The following NFIC variants were observed in gnomAD, a reference collection of about 807,000 sequenced individuals.
NFIC encodes the protein nuclear factor 1 C-type.
NFIC carries 12 observed loss-of-function variants against 54.4 expected under a neutral mutation model. The observed-to-expected ratio is 0.22, with a 90% CI of 0.14 to 0.36. The LOEUF is 0.36. Ranked by LOEUF, NFIC falls within the 10% of genes least tolerant of loss-of-function variation. The pLI is 1.00. For missense variants in NFIC, 575 were observed against 718.2 expected (o/e 0.80, Z 2.28); for synonymous variants, 322 against 319.2 (o/e 1.01, Z -0.09).
rs557918499 is a variant in NFIC, at chr19:3,440,680, C to G, written c.958+5473C>G. Among the ~76,000 whole-genome samples the G allele has an allele frequency of 3.3e-5, 5 of 152,260 alleles. 1 individual carries two copies. The South Asian group carries it at 1.0e-3, about 32-fold the overall frequency. On this transcript the variant is annotated intron_variant, in intron 6 of 10. Transcript: ENST00000443272. Reference sequence around the variant, plus strand: ...TCCTGACCTCAGGAGTTCCACCACACCCGGCTAATTTTGTGTTTTTAGTAA... The same window carrying G: ...TCCTGACCTCAGGAGTTCCACCACAGCCGGCTAATTTTGTGTTTTTAGTAA...
chr19:3,438,803 G>A (rs867406425), intron 6 of NFIC, among the ~76,000 whole-genome samples: 1 of 152,104 alleles, frequency 6.6e-6, no homozygotes, highest in Non-Finnish European at 1.5e-5. Flanking sequence ...AGGCCCTGGG[G>A]ACACAGAGAT....
intron 3 of NFIC, among the ~76,000 whole-genome samples, chr19:3,430,942 AAAAAG>A (rs766018415): frequency 0.019 from 2,833 of 151,202 alleles, 60 homozygotes; most frequent in Non-Finnish European, 0.026. Context: ...AAAAAAAAAA[AAAAAG>A]AAAAGAAAAA....
chr19:3,425,974 G>A (rs1249428334), intron 3 of NFIC, among the ~76,000 whole-genome samples: 3 of 115,956 alleles, frequency 2.6e-5, no homozygotes, highest in Admixed American at 1.2e-4. Flanking sequence ...TCACTCTGTC[G>A]CCCAGGCTAG....
intron 3 of NFIC, among the ~76,000 whole-genome samples, chr19:3,429,253 T>TACACACACACACAC (rs57948823): frequency 0.019 from 958 of 50,684 alleles, 59 homozygotes; most frequent in Non-Finnish European, 0.024. Context: ...AAAAAATATA[T>TACACACACACACAC]ACACACACAC....
chr19:3,366,761 G>A, intron 1 of NFIC, 95 bp downstream of exon 1: 4 of 896,570 alleles, frequency 4.5e-6, no homozygotes, highest in Non-Finnish European at 6.2e-6. Flanking sequence ...CGAAAAAGGC[G>A]CGCGTCCCTC....
intron 1 of NFIC, among the ~76,000 whole-genome samples, chr19:3,367,569 G>A (rs889440052): frequency 6.6e-6 from 1 of 152,228 alleles, no homozygotes; most frequent in African/African-American, 2.4e-5. Context: ...CCGAGGGGGT[G>A]TGTGGGGAGG....
chr19:3,451,538 G>A (rs566951000), intron 7 of NFIC, among the ~76,000 whole-genome samples: 2 of 151,940 alleles, frequency 1.3e-5, no homozygotes, highest in East Asian at 3.9e-4. Flanking sequence ...GGCCGAGGCA[G>A]GAGGATCACC....
intron 2 of NFIC, among the ~76,000 whole-genome samples, chr19:3,411,841 G>A (rs2081766483): frequency 2.0e-5 from 3 of 152,114 alleles, no homozygotes; most frequent in Non-Finnish European, 2.9e-5. Context: ...GTTTGCTTGT[G>A]CAATCATGAA....
chr19:3,369,503 C>T lies in NFIC; in HGVS notation c.30+2837C>T, dbSNP rs909143610. Among the ~76,000 whole-genome samples the T allele has an allele frequency of 1.3e-5, 2 of 152,048 alleles. No homozygotes were observed. Among genetic ancestry groups the T allele is most frequent in the African/African-American group, 2.4e-5 (1 of 41,392 alleles). On this transcript the variant is annotated intron_variant, in intron 1 of 10. Transcript: ENST00000443272. The surrounding 1 kb of genome is among the most constrained non-coding windows in gnomAD (Gnocchi z 4.3). Reference sequence around the variant, plus strand: ...TCCGACCCGGATCCTTCTCGGGAGCCGAGGCTGGCGGGGGGTGGGGGGCAT... The same window carrying T: ...TCCGACCCGGATCCTTCTCGGGAGCTGAGGCTGGCGGGGGGTGGGGGGCAT...
chr19:3,373,888 G>A (rs960022766), intron 1 of NFIC, among the ~76,000 whole-genome samples: 8 of 152,098 alleles, frequency 5.3e-5, no homozygotes, highest in African/African-American at 9.7e-5. Context: ...TCTGGGAGCC[G>A]TTCACATGTC....
intron 6 of NFIC, among the ~76,000 whole-genome samples, chr19:3,448,142 A>G (rs1293741760): frequency 6.8e-6 from 1 of 147,218 alleles, no homozygotes; most frequent in African/African-American, 2.5e-5. Context: ...GCGTGATCTC[A>G]GCTCACTGCA....
rs1250454801 is a variant in NFIC, at chr19:3,464,810, T to C, written c.*2041T>C. 1 of 699,300 alleles carries C rather than the reference T, an allele frequency of 1.4e-6. No individual in the cohort carries two copies. Among genetic ancestry groups the C allele is most frequent in the African/African-American group, 1.9e-5 (1 of 51,556 alleles). 43.3% of individuals were successfully genotyped at this position (699,300 alleles called of 1,614,324 possible). On this transcript the variant is annotated 3_prime_UTR_variant, in exon 11 of 11. Coordinates refer to ENST00000443272, the MANE Select transcript of NFIC (RefSeq NM_001245002.2). ...AGCCCTTGGTCCCTCCGTCCGTCTGTCCTCGGGGCCCGCTCCCCCGGTGGC... is the reference window on the plus strand; with the variant it reads ...AGCCCTTGGTCCCTCCGTCCGTCTGCCCTCGGGGCCCGCTCCCCCGGTGGC...
chr19:3,460,747 C>A (rs2082627175), intron 10 of NFIC, among the ~76,000 whole-genome samples: 1 of 152,084 alleles, frequency 6.6e-6, no homozygotes, highest in African/African-American at 2.4e-5. Context: ...CCCCTGACCT[C>A]AGGTGATCCA....
At chr19:3,363,227 A>ATGTGTGTGTGTGTGTGTGCGTG (rs1236874934), upstream of NFIC, among the ~76,000 whole-genome samples, 1 of 45,164 alleles carries the variant, frequency 2.2e-5, no homozygotes, top group African/African-American at 9.4e-5. Context: ...ATGTATATGT[A>ATGTGTGTGTGTGTGTGTGCGTG]TGTGTATGTG....
In NFIC at chr19:3,452,564, C is replaced by T; in HGVS notation, c.1167C>T (p.Phe389=). The change falls in exon 8 of 11, where the codon TTC becomes TTT. Residue 389 remains phenylalanine, a synonymous_variant. Transcript: ENST00000443272. The surrounding 1 kb of genome is among the most constrained non-coding windows in gnomAD (Gnocchi z 5.3). ...SILPQTASTY[F]PHTAIRYPPH... is the part of the protein sequence containing the mutation. ...TACCCCAGACGGCCTCCACCTACTTCCCCCACACGGCCATCCGCTACCCAC... is the reference window on the plus strand; with the variant it reads ...TACCCCAGACGGCCTCCACCTACTTTCCCCACACGGCCATCCGCTACCCAC... 6.2e-7 allele frequency: 1 copy of T among 1,613,884 alleles called. No homozygotes were observed. Among genetic ancestry groups the T allele is most frequent in the Non-Finnish European group, 8.5e-7 (1 of 1,180,008 alleles).
At chr19:3,442,399 G>T (rs60768955) in intron 6 of NFIC, among the ~76,000 whole-genome samples, 4,224 of 46,224 alleles carry the variant, frequency 0.091, 159 homozygotes, top group African/African-American at 0.22. Context: ...TTTTTTTTTT[G>T]AGTCAGAATC....
intron 2 of NFIC, among the ~76,000 whole-genome samples, chr19:3,409,123 C>T (rs374242158): frequency 6.6e-6 from 1 of 152,184 alleles, no homozygotes; most frequent in East Asian, 1.9e-4. Context: ...CTCACTGCAA[C>T]ACACAAGGCC....
Position 3,369,643 on chromosome 19 carries a change from G to A in NFIC, c.30+2977G>A, listed in dbSNP as rs891559366. Among the ~76,000 whole-genome samples the A allele has an allele frequency of 4.0e-5, 6 of 151,790 alleles. No homozygotes were observed. The highest frequency in any genetic ancestry group is 1.3e-4 in the Admixed American group (2 of 15,266). ...GGCCGGGCTCAGCGGTGACTCAAGC[G>A]CTTTTTCACTTTTACTCTTAAGAGG... On this transcript the variant is annotated intron_variant, in intron 1 of 10. Transcript: ENST00000443272. This position sits in a 1 kb window ranked among gnomAD's most constrained non-coding sequence, Gnocchi z 4.3.
intron 2 of NFIC, among the ~76,000 whole-genome samples, chr19:3,418,876 A>T (rs980539734): frequency 6.6e-6 from 1 of 152,124 alleles, no homozygotes; most frequent in African/African-American, 2.4e-5. Flanking sequence ...TAAATACATA[A>T]GATGAGGCAG....
Sources: gnomAD v4.1 joint callset for allele counts (sites outside exome capture counted in the v4.1 genomes callset) on GRCh38, gnomAD v4.1.1 for gene constraint, Gnocchi (gnomAD v3.1) non-coding constraint, MANE v1.5 for transcripts, NCBI Gene and HGNC (gene_info 2026-07-23, HGNC 2026-07-21) for gene names.